Variants in SESTD1 observed in about 807,000 individuals in gnomAD.
SESTD1 encodes SEC14 domain and spectrin repeat-containing protein 1.
SESTD1 carries 43 observed loss-of-function variants against 101.7 expected under a neutral mutation model. That is an observed-to-expected ratio of 0.42 (90% CI 0.33 to 0.55). SESTD1 has a LOEUF of 0.55. SESTD1 is among the 20% of genes least tolerant of loss of function. SESTD1 has a pLI of 0.07. For missense variants in SESTD1, 647 were observed against 815.1 expected (o/e 0.79, Z 2.51); for synonymous variants, 283 against 286.8 (o/e 0.99, Z 0.13).
chr2:179,140,832 G>A (rs1008504671), intron 9 of SESTD1, among the ~76,000 whole-genome samples: 9 of 152,142 alleles, frequency 5.9e-5, no homozygotes, highest in African/African-American at 2.2e-4. Context: ...TTACAACAGC[G>A]TTTGACAGGG....
intron 3 of SESTD1, among the ~76,000 whole-genome samples, chr2:179,180,044 C>T (rs2046079867): frequency 6.6e-6 from 1 of 152,150 alleles, no homozygotes. Context: ...ATCACTCTGA[C>T]TCTTTTCATG....
At chr2:179,168,428 AAAGT>A (rs1425226444) in intron 5 of SESTD1, among the ~76,000 whole-genome samples, 1 of 152,222 alleles carries the variant, frequency 6.6e-6, no homozygotes, top group East Asian at 1.9e-4. Context: ...TAGAAAGTCA[AAAGT>A]AAGTTAGACA....
At chr2:179,237,877 G>C (rs1487620460) in intron 1 of SESTD1, among the ~76,000 whole-genome samples, 1 of 152,114 alleles carries the variant, frequency 6.6e-6, no homozygotes. Flanking sequence ...AAATGAAACT[G>C]TAAGTATTAA....
chr2:179,130,635 T>C (rs1429686207), intron 10 of SESTD1, among the ~76,000 whole-genome samples: 1 of 152,110 alleles, frequency 6.6e-6, no homozygotes, highest in Non-Finnish European at 1.5e-5. Flanking sequence ...AAAAAAATAA[T>C]AAAATATAGA....
At chr2:179,164,594 C>T (rs1372366100) in intron 5 of SESTD1, among the ~76,000 whole-genome samples, 5 of 151,894 alleles carry the variant, frequency 3.3e-5, no homozygotes, top group Admixed American at 1.3e-4. Context: ...ATCTGAGTTG[C>T]TAAAAAGGAA....
rs139591110 is a variant in SESTD1 at position 179,223,282 on chromosome 2, G to C, written c.-25-31416C>G. Among the ~76,000 whole-genome samples the C allele has an allele frequency of 4.9e-4, 74 of 152,216 alleles. No individual in the cohort carries two copies. In the East Asian group the frequency reaches 0.014, roughly 29 times the overall value. The stretch of plus-strand genomic sequence containing the variant: ...CCAGTGGCTGCCTAGGGCTGGAGTG[G>C]GTATGGAGAGTGACTGGTAATAGAC... On this transcript the variant is annotated intron_variant, in intron 1 of 17. Transcript: ENST00000428443.
rs1471808040 is a variant in SESTD1 at position 179,101,731 on chromosome 2, G to A, written c.*8168C>T. The A allele has an allele frequency of 2.0e-5, 3 of 152,126 alleles. No homozygotes were observed. Among genetic ancestry groups the A allele is most frequent in the African/African-American group, 4.8e-5 (2 of 41,440 alleles). 9.4% of individuals were successfully genotyped at this position (152,126 alleles called of 1,614,324 possible). A position where few individuals can be genotyped will look rare whatever the true frequency, so the allele number is the denominator to read the frequency against. The stretch of plus-strand genomic sequence containing the variant: ...CAATTTTATTTTGAACAAACACAAT[G>A]GTAAGATCACTTCAATGGTTTGAAA... On this transcript the variant is annotated 3_prime_UTR_variant, in exon 18 of 18. Transcript: ENST00000428443.
At position 179,213,277 on chromosome 2, in the gene SESTD1, G is replaced by T. The variant is rs575141099; in HGVS notation, c.-25-21411C>A. ...AAAACGTTAGACAAATGGCTAATTA[G>T]AATAAACAGTATAGAGAAGACCTTA... On this transcript the variant is annotated intron_variant, in intron 1 of 17. Transcript: ENST00000428443. Among the ~76,000 whole-genome samples, 84 of 134,908 alleles carry T rather than the reference G, an allele frequency of 6.2e-4. 18 individuals carry two copies. Among genetic ancestry groups the T allele is most frequent in the Admixed American group, 4.1e-3 (57 of 13,902 alleles). 88.5% of individuals were successfully genotyped at this position (134,908 alleles called of 152,430 possible). A position where few individuals can be genotyped will look rare whatever the true frequency, so the allele number is the denominator to read the frequency against.
chr2:179,134,637 GTTTCCAATAGAGATTGGAATGGT>G (rs1172822588), intron 9 of SESTD1, among the ~76,000 whole-genome samples: 2 of 151,962 alleles, frequency 1.3e-5, no homozygotes, highest in Non-Finnish European at 2.9e-5. Flanking sequence ...CCCAGAAAAG[GTTTCCAATAGAGATTGGAATGGT>G]TTTCCAATAG....
chr2:179,185,204 T>C (rs926754578), intron 2 of SESTD1, among the ~76,000 whole-genome samples: 1 of 151,704 alleles, frequency 6.6e-6, no homozygotes, highest in Non-Finnish European at 1.5e-5. Flanking sequence ...TAAAAATGCA[T>C]ACTGCTGAAC....
chr2:179,117,393 TCAA>T, intron 14 of SESTD1, 136 bp downstream of exon 14: 1 of 634,252 alleles, frequency 1.6e-6, no homozygotes, highest in Non-Finnish European at 2.5e-6. Context: ...AGTGTATTCT[TCAA>T]CAAGATAGAT....
chr2:179,172,231 A>G lies in SESTD1; in HGVS notation c.258T>C (p.Asn86=), dbSNP rs750732356. ...VVKTVVVMLQ[N]VVPAEVSLVC... Reference sequence around the variant, plus strand: ...CAAGGGACACCTCAGCTGGAACAACATTCTATAAAATACAGAAAAATAATT... The same window carrying G: ...CAAGGGACACCTCAGCTGGAACAACGTTCTATAAAATACAGAAAAATAATT... The change falls in exon 5 of 18, where the codon AAT becomes AAC. Residue 86 remains asparagine (N), a splice_region_variant and synonymous_variant. Transcript: ENST00000428443. 7 of 1,568,848 alleles carry G rather than the reference A, an allele frequency of 4.5e-6. No individual in the cohort carries two copies. The highest frequency in any genetic ancestry group is 1.2e-5 in the South Asian group (1 of 85,540).
intron 5 of SESTD1, among the ~76,000 whole-genome samples, chr2:179,154,862 T>G (rs1428992715): frequency 6.6e-6 from 1 of 152,162 alleles, no homozygotes. Flanking sequence ...ATTTTAAAAC[T>G]TGACTGTATA....
At chr2:179,131,166 T>C (rs1367842581) in intron 10 of SESTD1, among the ~76,000 whole-genome samples, 1 of 148,322 alleles carries the variant, frequency 6.7e-6, no homozygotes, top group Non-Finnish European at 1.5e-5. Context: ...TAGTAGATTT[T>C]CTGCCAATAC....
intron 9 of SESTD1, among the ~76,000 whole-genome samples, chr2:179,136,071 T>C (rs1019828348): frequency 1.3e-5 from 2 of 152,134 alleles, no homozygotes; most frequent in Non-Finnish European, 2.9e-5. Context: ...AGGTAAGCAG[T>C]GCGATATAAA....
intron 8 of SESTD1, among the ~76,000 whole-genome samples, chr2:179,145,607 T>C (rs1002359567): frequency 6.6e-6 from 1 of 152,250 alleles, no homozygotes. Flanking sequence ...ATATTTGGGT[T>C]GGAATATACA....
chr2:179,213,688 C>T (rs2046680813), intron 1 of SESTD1, among the ~76,000 whole-genome samples: 2 of 134,706 alleles, frequency 1.5e-5, no homozygotes, highest in Admixed American at 1.4e-4. Context: ...CCCAAAGACA[C>T]ATAACTGTCA....
chr2:179,114,110 A>T (rs1034237777), intron 16 of SESTD1, among the ~76,000 whole-genome samples: 4 of 152,180 alleles, frequency 2.6e-5, no homozygotes, highest in Admixed American at 2.0e-4. Context: ...ATAATAATAA[A>T]AAATTCTCAT....
At chr2:179,130,872 C>CAAAACAG (rs1396479536) in intron 10 of SESTD1, among the ~76,000 whole-genome samples, 1 of 151,558 alleles carries the variant, frequency 6.6e-6, no homozygotes, top group Non-Finnish European at 1.5e-5. Flanking sequence ...AAAAAAAAAT[C>CAAAACAG]AAAACATTAT....
Sources: gnomAD v4.1 joint callset for allele counts (sites outside exome capture counted in the v4.1 genomes callset) on GRCh38, gnomAD v4.1.1 for gene constraint, MANE v1.5 for transcripts, NCBI Gene and HGNC (gene_info 2026-07-23, HGNC 2026-07-21) for gene names.